AFF3: variants seen among roughly 807,000 people sequenced by gnomAD.
AFF3 encodes AF4/FMR2 family member 3.
Under a neutral mutation model 129.7 loss-of-function variants are expected in AFF3, and 32 were observed. The observed-to-expected ratio is 0.25, with a 90% CI of 0.19 to 0.33. The LOEUF (loss-of-function observed/expected upper bound fraction) is 0.33. Ranked by LOEUF, AFF3 falls within the 10% of genes least tolerant of loss-of-function variation. AFF3 has a pLI of 1.00. For missense variants in AFF3, 1,373 were observed against 1,592.0 expected (o/e 0.86, Z 2.34); for synonymous variants, 644 against 635.4 (o/e 1.01, Z -0.20).
At position 99,752,247 on chromosome 2, in the gene AFF3, G is replaced by A. The variant is rs1293557105; in HGVS notation, c.976C>T (p.Pro326Ser). The change falls in exon 9 of 25, where the codon CCA becomes TCA. Residue 326 changes from proline (P) to serine (S), a missense_variant. Physicochemically the swap from Pro to Ser is moderately conservative, Grantham distance 74. Coordinates refer to ENST00000672756, the MANE Select transcript of AFF3 (RefSeq NM_001386135.1). ...TTATTTGGAAATGGAAATTTGGTTGGTTCCACTTTGCCAGGTGCTTGAATA... is the reference window on the plus strand; with the variant it reads ...TTATTTGGAAATGGAAATTTGGTTGATTCCACTTTGCCAGGTGCTTGAATA... ...SAIQAPGKVE[P>S]TKFPFPNKDS... The A allele has an allele frequency of 4.3e-6, 7 of 1,613,934 alleles. No homozygotes were observed. Among genetic ancestry groups the A allele is most frequent in the Non-Finnish European group, 4.2e-6 (5 of 1,179,850 alleles).
chr2:99,680,513 A>C (rs1272004390), intron 11 of AFF3, among the ~76,000 whole-genome samples: 1 of 152,176 alleles, frequency 6.6e-6, no homozygotes, highest in Non-Finnish European at 1.5e-5. Context: ...GACATTACTT[A>C]AACCTCTTTG....
chr2:99,747,358 C>T (rs1681257084), intron 9 of AFF3, among the ~76,000 whole-genome samples: 1 of 150,866 alleles, frequency 6.6e-6, no homozygotes, highest in African/African-American at 2.4e-5. Context: ...GAGACAGGGC[C>T]ACATTCTGTT....
intron 18 of AFF3, among the ~76,000 whole-genome samples, chr2:99,577,345 G>C (rs1677093848): frequency 1.3e-5 from 2 of 152,280 alleles, no homozygotes; most frequent in African/African-American, 4.8e-5. Flanking sequence ...TGCTTTCTGT[G>C]CTCCATGTGA....
intron 8 of AFF3, among the ~76,000 whole-genome samples, chr2:99,804,609 C>G (rs1459803696): frequency 6.6e-6 from 1 of 152,150 alleles, no homozygotes; most frequent in Non-Finnish European, 1.5e-5. Context: ...GAAAATAAGT[C>G]ACTATGTTAA....
At chr2:99,991,728 C>A (rs942368019) in intron 7 of AFF3, among the ~76,000 whole-genome samples, 18 of 152,016 alleles carry the variant, frequency 1.2e-4, no homozygotes, top group Non-Finnish European at 2.6e-4. Context: ...CATGGTGAAA[C>A]CCCGTGTCTA....
At chr2:99,651,338 A>G (rs1685231790) in intron 12 of AFF3, among the ~76,000 whole-genome samples, 1 of 152,140 alleles carries the variant, frequency 6.6e-6, no homozygotes, top group Non-Finnish European at 1.5e-5. Flanking sequence ...CTGTCTCAGA[A>G]GTCATGACTG....
intron 4 of AFF3, among the ~76,000 whole-genome samples, chr2:100,026,485 T>C (rs1011732257): frequency 6.6e-6 from 1 of 152,078 alleles, no homozygotes; most frequent in Non-Finnish European, 1.5e-5. Flanking sequence ...TAGAAAACAG[T>C]GTGGAGATTC....
At chr2:99,805,948 C>G (rs771737033) in intron 8 of AFF3, among the ~76,000 whole-genome samples, 1 of 151,900 alleles carries the variant, frequency 6.6e-6, no homozygotes, top group Non-Finnish European at 1.5e-5. Context: ...GAAAACTCAA[C>G]AGTTTAACCT....
Position 99,560,350 on chromosome 2 carries a change from G to A in AFF3, c.3191+15C>T, listed in dbSNP as rs1675359379. ...GAGGCTGGGGCTGCTATTCTAAGCGGAGATGGGCACTCACCATAATGCAGC... is the reference window on the plus strand; with the variant it reads ...GAGGCTGGGGCTGCTATTCTAAGCGAAGATGGGCACTCACCATAATGCAGC... On this transcript the variant is annotated intron_variant, in intron 21 of 24. Coordinates refer to ENST00000672756, the MANE Select transcript of AFF3 (RefSeq NM_001386135.1). 6.2e-7 allele frequency: 1 copy of A among 1,613,660 alleles called. No homozygotes were observed. Among genetic ancestry groups the A allele is most frequent in the East Asian group, 2.2e-5 (1 of 44,874 alleles).
chr2:99,779,410 T>C (rs1049171911), intron 8 of AFF3, among the ~76,000 whole-genome samples: 4 of 152,264 alleles, frequency 2.6e-5, no homozygotes, highest in Admixed American at 6.5e-5. Context: ...AGCAAGATGA[T>C]AAATATGCTC....
At chr2:100,108,528 C>G (rs915049068) in intron 2 of AFF3, among the ~76,000 whole-genome samples, 3 of 152,242 alleles carry the variant, frequency 2.0e-5, no homozygotes, top group Non-Finnish European at 4.4e-5. Context: ...CCCCTCCCCC[C>G]AGCCTGTCCA....
At chr2:99,998,770 C>A (rs539780333) in intron 7 of AFF3, among the ~76,000 whole-genome samples, 1 of 151,996 alleles carries the variant, frequency 6.6e-6, no homozygotes, top group African/African-American at 2.4e-5. Context: ...AATAACTGAA[C>A]GAGGAATCGT....
intron 4 of AFF3, among the ~76,000 whole-genome samples, chr2:100,019,073 C>T (rs1396946047): frequency 6.6e-6 from 1 of 152,160 alleles, no homozygotes; most frequent in Admixed American, 6.5e-5. Flanking sequence ...CACTCAGGCT[C>T]ATGGGCTGGT....
intron 8 of AFF3, among the ~76,000 whole-genome samples, chr2:99,761,726 T>C (rs1270125909): frequency 6.6e-6 from 1 of 152,238 alleles, no homozygotes; most frequent in Non-Finnish European, 1.5e-5. Flanking sequence ...CATTTCCCTA[T>C]TAAAACAAGT....
At chr2:99,943,817 C>T (rs762194664) in intron 7 of AFF3, among the ~76,000 whole-genome samples, 19 of 152,140 alleles carry the variant, frequency 1.2e-4, no homozygotes, top group African/African-American at 4.1e-4. Context: ...TGGAGTCTCC[C>T]GGTAATTTCC....
At chr2:99,927,493 C>T (rs1426482847) in intron 7 of AFF3, among the ~76,000 whole-genome samples, 1 of 152,106 alleles carries the variant, frequency 6.6e-6, no homozygotes, top group Non-Finnish European at 1.5e-5. Flanking sequence ...GACCAACTAC[C>T]ACATGTTCTA....
At chr2:100,003,438 T>C (rs1001232496) in intron 7 of AFF3, among the ~76,000 whole-genome samples, 10 of 152,200 alleles carry the variant, frequency 6.6e-5, no homozygotes, top group Admixed American at 2.0e-4. Context: ...CACCCAACCA[T>C]AGACAGCTTT....
intron 4 of AFF3, among the ~76,000 whole-genome samples, chr2:100,028,856 G>A (rs1384028703): frequency 6.6e-6 from 1 of 152,100 alleles, no homozygotes; most frequent in Non-Finnish European, 1.5e-5. Context: ...AACAGCATGG[G>A]AGGTTCCTCA....
At chr2:99,669,999 C>G (rs889246251) in intron 12 of AFF3, among the ~76,000 whole-genome samples, 1 of 152,140 alleles carries the variant, frequency 6.6e-6, no homozygotes, top group Non-Finnish European at 1.5e-5. Flanking sequence ...TGATGGGTGA[C>G]CTCAAATTTC....
Sources: gnomAD v4.1 joint callset for allele counts (sites outside exome capture counted in the v4.1 genomes callset) on GRCh38, gnomAD v4.1.1 for gene constraint, MANE v1.5 for transcripts, NCBI Gene and HGNC (gene_info 2026-07-23, HGNC 2026-07-21) for gene names.